The following ZNF207 variants were observed in gnomAD, a reference collection of about 807,000 sequenced individuals.
The protein encoded by ZNF207 is zinc finger protein 207, also known as BUB3-interacting and GLEBS motif-containing protein ZNF207.
Under a neutral mutation model 60.2 loss-of-function variants are expected in ZNF207, and 24 were observed. The observed-to-expected ratio is 0.40, with a 90% CI of 0.29 to 0.56. The LOEUF is 0.56. ZNF207 is among the 20% of genes least tolerant of loss of function. ZNF207 has a pLI of 0.49. For synonymous variants in ZNF207, 236 were observed against 194.7 expected, an observed-to-expected ratio of 1.21 and a Z score of -1.77; for missense variants, 452 against 636.6, an observed-to-expected ratio of 0.71 and a Z score of 3.12.
At chr17:32,369,159 C>A in intron 10 of ZNF207, 136 bp from the exon 11 acceptor site, 3 of 926,524 alleles carry the variant, frequency 3.2e-6, no homozygotes, top group Non-Finnish European at 3.2e-6. Context: ...GTTTGTCTGG[C>A]AAAAGTAAAT....
chr17:32,363,850 G>C (rs1466706631), intron 7 of ZNF207, among the ~76,000 whole-genome samples: 4 of 151,812 alleles, frequency 2.6e-5, no homozygotes, highest in African/African-American at 9.7e-5. Context: ...TGTATTAAAC[G>C]GTGTAGGCAT....
chr17:32,351,946 T>A, intron 2 of ZNF207, 34 bp downstream of exon 2: 1 of 1,492,640 alleles, frequency 6.7e-7, no homozygotes, highest in Non-Finnish European at 9.0e-7. Context: ...ATTGTCCGCT[T>A]GTGATTTGGA....
chr17:32,363,253 A>G (rs1276932467), intron 7 of ZNF207, among the ~76,000 whole-genome samples: 1 of 148,432 alleles, frequency 6.7e-6, no homozygotes, highest in Admixed American at 6.7e-5. Context: ...ACACCTGGCT[A>G]ATTTTTGTGT....
Position 32,353,726 on chromosome 17 carries a change from A to C in ZNF207, c.168+1814A>C, listed in dbSNP as rs540524809. Among the ~76,000 whole-genome samples the C allele has an allele frequency of 3.1e-4, 47 of 151,098 alleles. 2 individuals are homozygous for C. In the South Asian group the frequency reaches 9.7e-3, roughly 31 times the overall value. On this transcript the variant is annotated intron_variant, in intron 2 of 11. Transcript: ENST00000394670. ...CGCGAGGCGGGTGCTGAGACAGGAG[A>C]ATCACTTGAACCCGGGAGGCAGAGT...
chr17:32,369,459 T>G lies in ZNF207; in HGVS notation c.1324+5T>G. On this transcript the variant is annotated splice_donor_5th_base_variant and intron_variant, in intron 11 of 11. Transcript: ENST00000394670. ...GACCCCCAATGCCACCTCATGGTAT[T>G]CCTCTTTTTATGTTTTTCATATTTA... is the stretch of plus-strand genomic sequence containing the variant. 6.2e-7 allele frequency: 1 copy of G among 1,613,036 alleles called. No individual in the cohort carries two copies. The highest frequency in any genetic ancestry group is 8.5e-7 in the Non-Finnish European group (1 of 1,179,380).
At chr17:32,367,242 TATATATATATA>T in intron 9 of ZNF207, among the ~76,000 whole-genome samples, 1 of 43,870 alleles carries the variant, frequency 2.3e-5, no homozygotes, top group South Asian at 7.8e-4. Context: ...GAGGGGATTA[TATATATATATA>T]TATATATATA....
rs542189611 is a variant in ZNF207, at chr17:32,358,739, A to G, written c.307+98A>G. 73 of 959,240 alleles carry G rather than the reference A, an allele frequency of 7.6e-5. 3 individuals carry two copies. In the South Asian group the frequency reaches 2.2e-3, roughly 30 times the overall value. 59.4% of individuals were successfully genotyped at this position (959,240 alleles called of 1,614,324 possible). On this transcript the variant is annotated intron_variant, in intron 3 of 11. Transcript: ENST00000394670. ...CTCTGTCCAGCCGAGGCTGGAGTACAGTGGTGTGATCTGGGCTCTCTGCAT... is the reference window on the plus strand; with the variant it reads ...CTCTGTCCAGCCGAGGCTGGAGTACGGTGGTGTGATCTGGGCTCTCTGCAT...
rs1219579381 is a variant in ZNF207 at position 32,381,017 on chromosome 17, C to CT, written c.*11259dup. The CT allele has an allele frequency of 6.6e-6, 1 of 151,912 alleles. No individual in the cohort carries two copies. The highest frequency in any genetic ancestry group is 1.9e-4 in the East Asian group (1 of 5,190). The allele number at this position is 151,912 out of a possible 1,614,324, so 9.4% of individuals were successfully genotyped here. On this transcript the variant is annotated 3_prime_UTR_variant, in exon 12 of 12. Transcript: ENST00000394670. ...TTGGGAGTCTATTCCCTGGGATGTT[C>CT]TATTAATAATAAAGTGATAATAAAT...
At position 32,374,224 on chromosome 17, in the gene ZNF207, T is replaced by TTG. The variant is rs1905591270; in HGVS notation, c.*4466_*4467insGT. ...CAAAATCTGCATTCTTTTTTTTTTT[T>TTG]TTTTTTTTTTTTTGAGACTGTCTCG... On this transcript the variant is annotated 3_prime_UTR_variant, in exon 12 of 12. Coordinates refer to ENST00000394670, the MANE Select transcript of ZNF207 (RefSeq NM_001098507.2). 7.3e-6 allele frequency: 1 copy of TTG among 136,350 alleles called. No individual in the cohort carries two copies. The highest frequency in any genetic ancestry group is 7.4e-5 in the Admixed American group (1 of 13,442). The allele number at this position is 136,350 out of a possible 1,614,324, so 8.4% of individuals were successfully genotyped here. A position where few individuals can be genotyped will look rare whatever the true frequency, so the allele number is the denominator to read the frequency against.
intron 10 of ZNF207, 49 bp from the exon 11 acceptor site, chr17:32,369,246 T>G: frequency 1.9e-6 from 3 of 1,590,498 alleles, no homozygotes; most frequent in South Asian, 2.2e-5. Context: ...TTATGCTTGG[T>G]GAGCCTCTGC....
intron 2 of ZNF207, among the ~76,000 whole-genome samples, chr17:32,356,467 A>G (rs1597763127): frequency 1.3e-5 from 2 of 152,334 alleles, no homozygotes; most frequent in South Asian, 2.1e-4. Context: ...GCTTTTAACA[A>G]TCAGATATTA....
chr17:32,355,580 G>A (rs1178069311), intron 2 of ZNF207, among the ~76,000 whole-genome samples: 1 of 152,182 alleles, frequency 6.6e-6, no homozygotes, highest in African/African-American at 2.4e-5. Flanking sequence ...TAAAACAGGA[G>A]ATAGAAATTT....
intron 5 of ZNF207, 53 bp from the exon 6 acceptor site, chr17:32,361,415 A>G (rs1254137168): frequency 1.0e-5 from 16 of 1,525,040 alleles, no homozygotes; most frequent in Admixed American, 5.2e-5. Flanking sequence ...ACACTTTCCC[A>G]CTGTATTTTG....
rs1000181486 is a variant in ZNF207 at position 32,376,900 on chromosome 17, GCT to G, written c.*7142_*7143del. On this transcript the variant is annotated 3_prime_UTR_variant, in exon 12 of 12. Transcript: ENST00000394670. Reference sequence around the variant, plus strand: ...ATCTGGCACAGCTTCAGTAATGTGTGCTGTGTTTGTAAAAAGGTGAAGTACTT... The same window carrying G: ...ATCTGGCACAGCTTCAGTAATGTGTGGTGTTTGTAAAAAGGTGAAGTACTT... The G allele has an allele frequency of 6.6e-6, 1 of 152,030 alleles. No individual in the cohort carries two copies. Among genetic ancestry groups the G allele is most frequent in the Non-Finnish European group, 1.5e-5 (1 of 67,908 alleles). 9.4% of individuals were successfully genotyped at this position (152,030 alleles called of 1,614,324 possible).
Position 32,380,240 on chromosome 17 carries a change from G to A in ZNF207, c.*10481G>A, listed in dbSNP as rs923140124. ...CATGTAATAGTGATGAGAGTAAGTA[G>A]CCAAATTTCCGTAATATAAGGTAAT... is the stretch of plus-strand genomic sequence containing the variant. On this transcript the variant is annotated 3_prime_UTR_variant, in exon 12 of 12. Coordinates refer to ENST00000394670, the MANE Select transcript of ZNF207 (RefSeq NM_001098507.2). 6.6e-6 allele frequency: 1 copy of A among 152,580 alleles called. No individual in the cohort carries two copies. The highest frequency in any genetic ancestry group is 1.5e-5 in the Non-Finnish European group (1 of 68,026). The allele number at this position is 152,580 out of a possible 1,614,324, so 9.5% of individuals were successfully genotyped here.
Position 32,378,815 on chromosome 17 carries a change from G to C in ZNF207, c.*9056G>C, listed in dbSNP as rs1905773958. 1.3e-5 allele frequency: 2 copies of C among 151,982 alleles called. No individual in the cohort carries two copies. Among genetic ancestry groups the C allele is most frequent in the Non-Finnish European group, 2.9e-5 (2 of 67,910 alleles). 9.4% of individuals were successfully genotyped at this position (151,982 alleles called of 1,614,324 possible). A position where few individuals can be genotyped will look rare whatever the true frequency, so the allele number is the denominator to read the frequency against. On this transcript the variant is annotated 3_prime_UTR_variant, in exon 12 of 12. Coordinates refer to ENST00000394670, the MANE Select transcript of ZNF207 (RefSeq NM_001098507.2). ...CAAATGTAAAGCACTGAGGAGGGAGGAATAAAGCATACAAGTTAATTTCTA... is the reference window on the plus strand; with the variant it reads ...CAAATGTAAAGCACTGAGGAGGGAGCAATAAAGCATACAAGTTAATTTCTA...
chr17:32,366,528 C>A, intron 8 of ZNF207, 137 bp from the exon 9 acceptor site: 1 of 542,764 alleles, frequency 1.8e-6, no homozygotes, highest in Non-Finnish European at 3.0e-6. Context: ...AACTGCCTGC[C>A]TTTTAAAATA....
chr17:32,381,608 C>G lies in ZNF207; in HGVS notation c.*11849C>G, dbSNP rs1905891005. On this transcript the variant is annotated 3_prime_UTR_variant, in exon 12 of 12. Transcript: ENST00000394670. ...TTAACATGTAGCCATGTAATTAGAA[C>G]TCACAAGGGGCATTGAAATGTTTTT... 1 of 152,188 alleles carries G rather than the reference C, an allele frequency of 6.6e-6. No homozygotes were observed. The highest frequency in any genetic ancestry group is 2.1e-4 in the South Asian group (1 of 4,824). The allele number at this position is 152,188 out of a possible 1,614,324, so 9.4% of individuals were successfully genotyped here. A position where few individuals can be genotyped will look rare whatever the true frequency, so the allele number is the denominator to read the frequency against.
In ZNF207 at chr17:32,374,327, C is replaced by G. The variant is rs1362206862; in HGVS notation, c.*4568C>G. ...CCACCTCCTGGATTCAAGCGATTCT[C>G]CTGTCTCAGCCTCCCGAGTAGCTGG... is the stretch of plus-strand genomic sequence containing the variant. On this transcript the variant is annotated 3_prime_UTR_variant, in exon 12 of 12. Coordinates refer to ENST00000394670, the MANE Select transcript of ZNF207 (RefSeq NM_001098507.2). 1.3e-5 allele frequency: 2 copies of G among 149,038 alleles called. No homozygotes were observed. Among genetic ancestry groups the G allele is most frequent in the Non-Finnish European group, 3.0e-5 (2 of 67,786 alleles). The allele number at this position is 149,038 out of a possible 1,614,324, so 9.2% of individuals were successfully genotyped here.
Sources: allele counts gnomAD v4.1 joint callset (sites outside exome capture counted in the v4.1 genomes callset), GRCh38; gene constraint gnomAD v4.1.1; transcripts MANE v1.5; gene names NCBI Gene and HGNC (gene_info 2026-07-23, HGNC 2026-07-21).